The following PPP1R9A variants were observed in gnomAD, a reference collection of about 807,000 sequenced individuals.
The protein encoded by PPP1R9A is protein phosphatase 1 regulatory subunit 9A, also known as neurabin-1.
In PPP1R9A, 59 loss-of-function variants were observed where a neutral mutation model predicts 141.9. The observed-to-expected ratio is 0.42, with a 90% CI of 0.34 to 0.52. The LOEUF (loss-of-function observed/expected upper bound fraction) is 0.52. Ranked by LOEUF, PPP1R9A falls within the 20% of genes least tolerant of loss-of-function variation. The pLI is 0.10. For synonymous variants in PPP1R9A, 500 were observed against 569.7 expected, an observed-to-expected ratio of 0.88 and a Z score of 1.74; for missense variants, 1,444 against 1,611.9, an observed-to-expected ratio of 0.90 and a Z score of 1.78.
intron 16 of PPP1R9A, among the ~76,000 whole-genome samples, chr7:95,277,323 A>G (rs1212346554): frequency 6.6e-6 from 1 of 152,248 alleles, no homozygotes; most frequent in Non-Finnish European, 1.5e-5. Flanking sequence ...TGAGACAACT[A>G]GAGAAAATGG....
chr7:95,040,450 G>A (rs1809071428), intron 2 of PPP1R9A, among the ~76,000 whole-genome samples: 1 of 151,688 alleles, frequency 6.6e-6, no homozygotes, highest in African/African-American at 2.4e-5. Flanking sequence ...ACCAGCCTGG[G>A]CAATATAGGG....
intron 2 of PPP1R9A, among the ~76,000 whole-genome samples, chr7:94,982,070 C>T (rs1418887087): frequency 6.6e-6 from 1 of 150,568 alleles, no homozygotes; most frequent in East Asian, 2.0e-4. Flanking sequence ...CAAGAACATG[C>T]AGTGTTTGGT....
intron 7 of PPP1R9A, among the ~76,000 whole-genome samples, chr7:95,216,877 T>C (rs1383888512): frequency 6.6e-6 from 1 of 152,192 alleles, no homozygotes; most frequent in Non-Finnish European, 1.5e-5. Context: ...GCTGAGACGA[T>C]GGGGTTTTCT....
intron 8 of PPP1R9A, among the ~76,000 whole-genome samples, chr7:95,246,459 G>C (rs1300468873): frequency 6.6e-6 from 1 of 152,130 alleles, no homozygotes; most frequent in Non-Finnish European, 1.5e-5. Flanking sequence ...GGTACAACCT[G>C]ACCTAACAGG....
chr7:95,226,855 A>G (rs1474270922), intron 8 of PPP1R9A, among the ~76,000 whole-genome samples: 1 of 152,150 alleles, frequency 6.6e-6, no homozygotes, highest in Non-Finnish European at 1.5e-5. Flanking sequence ...AATGTGGATA[A>G]CTCTTCCAAA....
intron 2 of PPP1R9A, among the ~76,000 whole-genome samples, chr7:95,016,311 A>G (rs1487123944): frequency 6.6e-6 from 1 of 152,108 alleles, no homozygotes; most frequent in African/African-American, 2.4e-5. Flanking sequence ...ATAATTAGAG[A>G]ATACAGCAAC....
At chr7:95,192,866 A>G (rs1835706691) in intron 5 of PPP1R9A, among the ~76,000 whole-genome samples, 1 of 152,064 alleles carries the variant, frequency 6.6e-6, no homozygotes, top group Admixed American at 6.6e-5. Context: ...TGCTAGTTGC[A>G]TATATAATCT....
intron 4 of PPP1R9A, among the ~76,000 whole-genome samples, chr7:95,124,114 C>A (rs918909490): frequency 6.6e-6 from 1 of 152,100 alleles, no homozygotes; most frequent in Non-Finnish European, 1.5e-5. Flanking sequence ...ATTACACTTA[C>A]AACAGATTTA....
intron 5 of PPP1R9A, among the ~76,000 whole-genome samples, chr7:95,188,205 G>A (rs1834926031): frequency 6.6e-6 from 1 of 152,108 alleles, no homozygotes; most frequent in African/African-American, 2.4e-5. Context: ...ATATTTTCCT[G>A]TTGGACTAGT....
chr7:95,032,827 C>G lies in PPP1R9A; in HGVS notation c.1396-78432C>G, dbSNP rs145672900. ...TTACGAGTAATTATAAAATAAACAC[C>G]TGTGTAAACCACCTCCTACATTAAG... On this transcript the variant is annotated intron_variant, in intron 2 of 19. Coordinates refer to ENST00000433360, the MANE Select transcript of PPP1R9A (RefSeq NM_001166160.2). Among the ~76,000 whole-genome samples, 557 of 152,152 alleles carry G rather than the reference C, an allele frequency of 3.7e-3. 3 individuals are homozygous for G. The highest frequency in any genetic ancestry group is 0.013 in the African/African-American group (522 of 41,496).
intron 2 of PPP1R9A, among the ~76,000 whole-genome samples, chr7:94,946,221 G>T (rs886396703): frequency 2.0e-5 from 3 of 151,936 alleles, no homozygotes; most frequent in Admixed American, 1.3e-4. Context: ...TCTAAAATGG[G>T]GAATAGATAA....
chr7:95,091,500 C>T (rs185259996), intron 2 of PPP1R9A, among the ~76,000 whole-genome samples: 5 of 151,602 alleles, frequency 3.3e-5, no homozygotes, highest in East Asian at 3.9e-4. Context: ...CATGACACCA[C>T]GCCCAGCTAA....
intron 8 of PPP1R9A, among the ~76,000 whole-genome samples, chr7:95,227,577 C>A (rs567512173): frequency 6.6e-6 from 1 of 152,182 alleles, no homozygotes; most frequent in African/African-American, 2.4e-5. Flanking sequence ...GCATGCCCAT[C>A]TCTTTATTGT....
intron 2 of PPP1R9A, among the ~76,000 whole-genome samples, chr7:95,015,565 A>G (rs1804992420): frequency 6.6e-6 from 1 of 152,146 alleles, no homozygotes. Flanking sequence ...ATTGAGAAAA[A>G]ATGAACAGAG....
intron 12 of PPP1R9A, among the ~76,000 whole-genome samples, chr7:95,261,032 A>G (rs908465989): frequency 4.1e-4 from 62 of 152,312 alleles, no homozygotes; most frequent in South Asian, 4.1e-4. Context: ...CCATATAGCT[A>G]TGCTAAGATA....
At chr7:94,978,776 C>T (rs1799759678) in intron 2 of PPP1R9A, among the ~76,000 whole-genome samples, 1 of 152,094 alleles carries the variant, frequency 6.6e-6, no homozygotes, top group Non-Finnish European at 1.5e-5. Context: ...CAGAGTAGTG[C>T]TTCTTCTTAA....
At chr7:95,210,054 C>T (rs897515427) in intron 7 of PPP1R9A, among the ~76,000 whole-genome samples, 1 of 152,016 alleles carries the variant, frequency 6.6e-6, no homozygotes, top group Non-Finnish European at 1.5e-5. Context: ...GTCTGTCGAC[C>T]GTTTAGTTCA....
chr7:95,151,924 C>T (rs1298189375), intron 4 of PPP1R9A, among the ~76,000 whole-genome samples: 1 of 143,784 alleles, frequency 7.0e-6, no homozygotes, highest in Non-Finnish European at 1.5e-5. Flanking sequence ...ATAATGTCAG[C>T]ACATAGTACT....
intron 4 of PPP1R9A, among the ~76,000 whole-genome samples, chr7:95,122,227 G>A (rs1402875634): frequency 6.7e-6 from 1 of 149,496 alleles, no homozygotes; most frequent in African/African-American, 2.5e-5. Context: ...GCTCACTGCA[G>A]CCTCTGCTTC....
Sources: gnomAD v4.1 joint callset for allele counts (sites outside exome capture counted in the v4.1 genomes callset) on GRCh38, gnomAD v4.1.1 for gene constraint, MANE v1.5 for transcripts, NCBI Gene and HGNC (gene_info 2026-07-23, HGNC 2026-07-21) for gene names.